The following KAZN variants were observed in gnomAD, a reference collection of about 807,000 sequenced individuals.
The protein encoded by KAZN is kazrin, periplakin interacting protein, also known as kazrin.
KAZN carries 40 observed loss-of-function variants against 87.4 expected under a neutral mutation model. The ratio of observed to expected loss-of-function variants is 0.46; its 90% CI spans 0.36 to 0.60. The LOEUF is 0.60. KAZN is among the 20% of genes least tolerant of loss of function. KAZN has a pLI of 0.00. For missense variants in KAZN, 898 were observed against 1,073.9 expected (o/e 0.84, Z 2.29); for synonymous variants, 466 against 458.3 (o/e 1.02, Z -0.22).
chr1:14,873,193 T>C (rs1349628231), intron 1 of KAZN, among the ~76,000 whole-genome samples: 1 of 152,108 alleles, frequency 6.6e-6, no homozygotes, highest in African/African-American at 2.4e-5. Context: ...GATGGATTCA[T>C]CCATTCATTC....
At chr1:14,682,201 C>T (rs997700105) in intron 1 of KAZN, among the ~76,000 whole-genome samples, 4 of 151,996 alleles carry the variant, frequency 2.6e-5, no homozygotes, top group Non-Finnish European at 4.4e-5. Context: ...CTGGGTAACT[C>T]GTAGCAGGTG....
intron 1 of KAZN, among the ~76,000 whole-genome samples, chr1:13,936,572 T>A (rs1475780247): frequency 6.6e-6 from 1 of 152,210 alleles, no homozygotes; most frequent in Non-Finnish European, 1.5e-5. Context: ...TCCCACTGTT[T>A]ATGTCCATGT....
intron 8 of KAZN, among the ~76,000 whole-genome samples, chr1:15,086,625 T>C (rs1640270603): frequency 6.6e-6 from 1 of 152,200 alleles, no homozygotes; most frequent in African/African-American, 2.4e-5. Context: ...AGTCAATTAT[T>C]TTAAGCAAAC....
intron 1 of KAZN, among the ~76,000 whole-genome samples, chr1:14,079,482 C>G (rs966516592): frequency 6.6e-6 from 1 of 152,192 alleles, no homozygotes; most frequent in Non-Finnish European, 1.5e-5. Flanking sequence ...TGGCCAGCAA[C>G]TGTTCCAGAG....
At chr1:14,846,460 A>G (rs1280782848) in intron 1 of KAZN, among the ~76,000 whole-genome samples, 2 of 152,182 alleles carry the variant, frequency 1.3e-5, no homozygotes, top group African/African-American at 2.4e-5. Context: ...ACCAGCACAA[A>G]TCATGTCACT....
intron 2 of KAZN, among the ~76,000 whole-genome samples, chr1:14,402,603 C>T (rs536775016): frequency 4.6e-5 from 7 of 152,014 alleles, no homozygotes; most frequent in Admixed American, 1.3e-4. Context: ...AAAGTCCTGA[C>T]AAAATATTTT....
At chr1:14,231,382 G>A (rs1336894720) in intron 2 of KAZN, among the ~76,000 whole-genome samples, 5 of 108,582 alleles carry the variant, frequency 4.6e-5, no homozygotes, top group Non-Finnish European at 5.5e-5. Flanking sequence ...CCAGAAGGGG[G>A]AGGCTCTATC....
At chr1:14,270,023 C>T (rs890692851) in intron 2 of KAZN, among the ~76,000 whole-genome samples, 6 of 152,214 alleles carry the variant, frequency 3.9e-5, no homozygotes, top group Admixed American at 6.5e-5. Context: ...GCACCTGCTC[C>T]GGGCAGGTGC....
intron 1 of KAZN, among the ~76,000 whole-genome samples, chr1:14,666,778 G>A (rs1003948772): frequency 4.6e-5 from 7 of 151,920 alleles, no homozygotes; most frequent in Non-Finnish European, 1.0e-4. Flanking sequence ...TCACTCTGTC[G>A]CCAAGCTGGA....
intron 2 of KAZN, among the ~76,000 whole-genome samples, chr1:14,464,396 G>C (rs1351212036): frequency 6.6e-6 from 1 of 152,048 alleles, no homozygotes; most frequent in South Asian, 2.1e-4. Flanking sequence ...GAAATAATTG[G>C]CCTTTCTCTC....
At position 15,117,396 on chromosome 1, in the gene KAZN, C is replaced by T. The variant is rs941178828; in HGVS notation, c.*2761C>T. 9.2e-5 allele frequency: 14 copies of T among 152,298 alleles called. No homozygotes were observed. Among genetic ancestry groups the T allele is most frequent in the African/African-American group, 3.4e-4 (14 of 41,472 alleles). The allele number at this position is 152,298 out of a possible 1,614,324, so 9.4% of individuals were successfully genotyped here. ...TCTCAGCTTTCTGACCCCCAGGAGC[C>T]TCTGCGAGGCCCCTTTGTCCTTGGC... On this transcript the variant is annotated 3_prime_UTR_variant, in exon 15 of 15. Transcript: ENST00000376030.
intron 1 of KAZN, among the ~76,000 whole-genome samples, chr1:13,929,531 A>G (rs1278969675): frequency 6.6e-6 from 1 of 152,186 alleles, no homozygotes; most frequent in African/African-American, 2.4e-5. Flanking sequence ...GCTCACATCA[A>G]TGTCAGCCTG....
At chr1:14,824,265 C>G (rs575602894) in intron 1 of KAZN, among the ~76,000 whole-genome samples, 168 of 151,988 alleles carry the variant, frequency 1.1e-3, no homozygotes, top group African/African-American at 4.0e-3. Flanking sequence ...AGGGACAGCA[C>G]GAAAGAAAGA....
In KAZN at chr1:14,514,377, T is replaced by TATATTA. The variant is rs1557769704; in HGVS notation, c.250-84602_250-84601insTAATAT. 4.1e-4 allele frequency among the ~76,000 whole-genome samples: 5 copies of TATATTA among 12,214 alleles called. 2 individuals are homozygous for TATATTA. Among genetic ancestry groups the TATATTA allele is most frequent in the African/African-American group, 1.7e-3 (5 of 2,946 alleles). The allele number at this position is 12,214 out of a possible 152,430, so 8.0% of individuals were successfully genotyped here. A position where few individuals can be genotyped will look rare whatever the true frequency, so the allele number is the denominator to read the frequency against. ...ATTATATATATATTTATATATATAA[T>TATATTA]ATATATATATTATATATATTTATAT... On this transcript the variant is annotated intron_variant, in intron 2 of 16. Transcript: ENST00000636203.
chr1:15,064,561 TTA>T (rs918897363), intron 7 of KAZN, among the ~76,000 whole-genome samples: 42 of 152,220 alleles, frequency 2.8e-4, no homozygotes, highest in African/African-American at 9.9e-4. Context: ...CACCATCATC[TTA>T]TATTGTTTTC....
chr1:14,174,527 A>G (rs541132187), intron 1 of KAZN, among the ~76,000 whole-genome samples: 116 of 152,158 alleles, frequency 7.6e-4, no homozygotes, highest in Non-Finnish European at 1.4e-3. Context: ...ACATCTGCTT[A>G]TTTGAGCTAT....
At chr1:14,872,282 T>A (rs1226634862) in intron 1 of KAZN, among the ~76,000 whole-genome samples, 1 of 152,232 alleles carries the variant, frequency 6.6e-6, no homozygotes, top group African/African-American at 2.4e-5. Context: ...TGCTGTCTGA[T>A]AGAACTTCCT....
chr1:14,026,826 A>C (rs1255977637), intron 1 of KAZN, among the ~76,000 whole-genome samples: 1 of 152,182 alleles, frequency 6.6e-6, no homozygotes, highest in Non-Finnish European at 1.5e-5. Flanking sequence ...GAAGGAATTC[A>C]TGGTGAAATT....
At position 14,845,734 on chromosome 1, in the gene KAZN, C is replaced by T. The variant is rs568652765; in HGVS notation, c.227-114950C>T. ...CAAGAGGTATGTGTTGGTCTAGGTC[C>T]TCTATGGAGGAAACGCTAAAATGGA... On this transcript the variant is annotated intron_variant, in intron 1 of 14. Coordinates refer to ENST00000376030, the MANE Select transcript of KAZN (RefSeq NM_201628.3). Among the ~76,000 whole-genome samples the T allele has an allele frequency of 2.6e-5, 4 of 152,192 alleles. No individual in the cohort carries two copies. The East Asian group carries it at 7.7e-4, about 29-fold the overall frequency.
Sources: allele counts gnomAD v4.1 joint callset (sites outside exome capture counted in the v4.1 genomes callset), GRCh38; gene constraint gnomAD v4.1.1; transcripts MANE v1.5; gene names NCBI Gene and HGNC (gene_info 2026-07-23, HGNC 2026-07-21).